DPP6: variants seen among roughly 807,000 people sequenced by gnomAD.
DPP6 encodes the protein dipeptidyl peptidase like 6, also known as A-type potassium channel modulatory protein DPP6.
In DPP6, 69 loss-of-function variants were observed where a neutral mutation model predicts 122.6. That is an observed-to-expected ratio of 0.56 (90% CI 0.46 to 0.69). The LOEUF is 0.69. DPP6 is among the 30% of genes least tolerant of loss of function. DPP6 has a pLI of 0.00. For missense variants in DPP6, 928 were observed against 1,116.9 expected (o/e 0.83, Z 2.41); for synonymous variants, 418 against 433.1 (o/e 0.97, Z 0.43).
At chr7:153,934,178 C>T (rs962324262) in intron 1 of DPP6, among the ~76,000 whole-genome samples, 4 of 152,132 alleles carry the variant, frequency 2.6e-5, no homozygotes, top group Non-Finnish European at 5.9e-5. Context: ...ATTTGAAGCA[C>T]CTTTTGTTTT....
At chr7:153,914,937 TTTATTTA>T (rs1800242294) in intron 1 of DPP6, among the ~76,000 whole-genome samples, 1 of 152,214 alleles carries the variant, frequency 6.6e-6, no homozygotes, top group Non-Finnish European at 1.5e-5. Flanking sequence ...AACTCTTGCT[TTTATTTA>T]TTATTTAAAA....
At chr7:154,769,669 A>G in intron 9 of DPP6, 98 bp downstream of exon 9, 2 of 1,376,006 alleles carry the variant, frequency 1.5e-6, no homozygotes, top group Admixed American at 3.1e-5. Flanking sequence ...AGACATGTGT[A>G]TGAGCAAAGC....
intron 19 of DPP6, among the ~76,000 whole-genome samples, chr7:154,874,068 T>C (rs1443799579): frequency 6.7e-6 from 1 of 149,388 alleles, no homozygotes; most frequent in African/African-American, 2.5e-5. Flanking sequence ...CACATGTATG[T>C]GTATATACAC....
rs1804990350 is a variant in DPP6, at chr7:154,877,528, AG to A, written c.2078+1430del. Among the ~76,000 whole-genome samples, 1 of 152,140 alleles carries A rather than the reference AG, an allele frequency of 6.6e-6. No individual in the cohort carries two copies. The highest frequency in any genetic ancestry group is 6.5e-5 in the Admixed American group (1 of 15,280). On this transcript the variant is annotated intron_variant, in intron 20 of 25. Transcript: ENST00000377770. The surrounding 1 kb of genome is among the most constrained non-coding windows in gnomAD (Gnocchi z 5.2). ...ACACCAACAATGTCACCAACGACCC[AG>A]GCTCTCTCCGTCTCTCCGCCCAGCC...
intron 22 of DPP6, 67 bp downstream of exon 22, chr7:154,885,811 G>T (rs1806105096): frequency 1.7e-5 from 26 of 1,537,728 alleles, no homozygotes; most frequent in Non-Finnish European, 2.3e-5. Flanking sequence ...TGCCTGCGTG[G>T]CCCCACAGCC....
At chr7:154,364,998 A>G (rs1812033026) in intron 1 of DPP6, among the ~76,000 whole-genome samples, 2 of 152,122 alleles carry the variant, frequency 1.3e-5, no homozygotes, top group Admixed American at 6.5e-5. Context: ...TCTACAGACA[A>G]CCCAGAGAAG....
At chr7:154,135,855 T>TGCACTTCCTGTGAGCCC (rs150230131) in intron 1 of DPP6, among the ~76,000 whole-genome samples, 5,825 of 151,924 alleles carry the variant, frequency 0.038, 342 homozygotes, top group African/African-American at 0.13. Flanking sequence ...TTTCTCTCTG[T>TGCACTTCCTGTGAGCCC]GCACTTCCTG....
At chr7:153,783,445 C>T in the DPP6 span, among the ~76,000 whole-genome samples, 28 of 152,292 alleles carry the variant, frequency 1.8e-4, no homozygotes, top group Non-Finnish European at 3.1e-4. Flanking sequence ...CAATTACCTC[C>T]ACCTGGTCTC....
At chr7:154,078,044 T>G (rs1803697866) in intron 1 of DPP6, among the ~76,000 whole-genome samples, 2 of 152,186 alleles carry the variant, frequency 1.3e-5, no homozygotes, top group Non-Finnish European at 2.9e-5. Flanking sequence ...CTCTGTAAAC[T>G]TAGATATTTC....
At chr7:153,930,991 AAAGG>A (rs1474235305) in intron 1 of DPP6, among the ~76,000 whole-genome samples, 5 of 152,218 alleles carry the variant, frequency 3.3e-5, no homozygotes, top group African/African-American at 1.2e-4. Flanking sequence ...CAATTCTCTA[AAAGG>A]AATTCCAAAA....
chr7:154,018,115 C>T (rs1199339476), intron 1 of DPP6, among the ~76,000 whole-genome samples: 1 of 151,970 alleles, frequency 6.6e-6, no homozygotes, highest in Non-Finnish European at 1.5e-5. Context: ...GGGTGATTTG[C>T]AACCCCCACT....
At chr7:154,244,005 T>G (rs1412206505) in intron 1 of DPP6, among the ~76,000 whole-genome samples, 2 of 151,966 alleles carry the variant, frequency 1.3e-5, no homozygotes, top group Non-Finnish European at 2.9e-5. Context: ...ATAATAAAAC[T>G]TTTCTAATAT....
At chr7:153,784,266 A>G in the DPP6 span, among the ~76,000 whole-genome samples, 1 of 152,214 alleles carries the variant, frequency 6.6e-6, no homozygotes, top group African/African-American at 2.4e-5. Flanking sequence ...TAATTCGTCA[A>G]TCTGAAAACA....
At chr7:154,323,886 A>G (rs1808190031) in intron 1 of DPP6, among the ~76,000 whole-genome samples, 1 of 152,184 alleles carries the variant, frequency 6.6e-6, no homozygotes, top group African/African-American at 2.4e-5. Context: ...ATTCTAGCCA[A>G]CATCTGATGG....
the DPP6 span, among the ~76,000 whole-genome samples, chr7:153,855,732 T>C: frequency 6.6e-6 from 1 of 152,114 alleles, no homozygotes; most frequent in Non-Finnish European, 1.5e-5. Context: ...GCCTTAGCTC[T>C]CCCTTCCTGC....
chr7:154,341,695 C>T (rs2151061623), intron 1 of DPP6, among the ~76,000 whole-genome samples: 1 of 151,654 alleles, frequency 6.6e-6, no homozygotes, highest in Admixed American at 6.6e-5. Flanking sequence ...GGTGTGTATG[C>T]ATGTGTGTAC....
rs1799788619 is a variant in DPP6 at position 154,821,663 on chromosome 7, T to TATATATAC, written c.1666+14552_1666+14553insTATATACA. Among the ~76,000 whole-genome samples, 1 of 110,664 alleles carries TATATATAC rather than the reference T, an allele frequency of 9.0e-6. No individual in the cohort carries two copies. The highest frequency in any genetic ancestry group is 2.4e-4 in the East Asian group (1 of 4,170). The allele number at this position is 110,664 out of a possible 152,430, so 72.6% of individuals were successfully genotyped here. On this transcript the variant is annotated intron_variant, in intron 16 of 25. Transcript: ENST00000377770. This position sits in a 1 kb window ranked among gnomAD's most constrained non-coding sequence, Gnocchi z 4.2. ...ATATATATACACATATATATATATA[T>TATATATAC]ACACATATATATATACACACACATA...
rs373378162 is a variant in DPP6 at position 154,023,318 on chromosome 7, G to GCACGCGCGCACA, written c.51+135587_51+135588insGCGCGCACACAC. 2.7e-3 allele frequency among the ~76,000 whole-genome samples: 356 copies of GCACGCGCGCACA among 129,616 alleles called. 2 individuals carry two copies. Among genetic ancestry groups the GCACGCGCGCACA allele is most frequent in the African/African-American group, 9.5e-3 (295 of 31,178 alleles). 85.0% of individuals were successfully genotyped at this position (129,616 alleles called of 152,430 possible). ...CAGGCTCTGGAAATGTTTCTTGTCTGCACACACACACACACACACACACAC... is the reference window on the plus strand; with the variant it reads ...CAGGCTCTGGAAATGTTTCTTGTCTGCACGCGCGCACACACACACACACACACACACACACAC... On this transcript the variant is annotated intron_variant, in intron 1 of 25. Transcript: ENST00000404039.
intron 1 of DPP6, among the ~76,000 whole-genome samples, chr7:154,373,017 A>C (rs1266487830): frequency 6.6e-6 from 1 of 152,220 alleles, no homozygotes; most frequent in Non-Finnish European, 1.5e-5. Context: ...CTCACAGCTC[A>C]GTTAGTGCCT....
Sources: allele counts gnomAD v4.1 joint callset (sites outside exome capture counted in the v4.1 genomes callset), GRCh38; gene constraint gnomAD v4.1.1; non-coding constraint Gnocchi (gnomAD v3.1); transcripts MANE v1.5; gene names NCBI Gene and HGNC (gene_info 2026-07-23, HGNC 2026-07-21).